SLITRK5: variants seen among roughly 807,000 people sequenced by gnomAD.
The protein encoded by SLITRK5 is SLIT and NTRK like family member 5.
SLITRK5 carries 23 observed loss-of-function variants against 56.2 expected under a neutral mutation model. The observed-to-expected ratio is 0.41, with a 90% CI of 0.29 to 0.58. SLITRK5 has a LOEUF of 0.58. SLITRK5 is among the 20% of genes least tolerant of loss of function. The pLI, the probability that SLITRK5 is intolerant of heterozygous loss-of-function variation, is 0.30. For synonymous variants in SLITRK5, 637 were observed against 531.8 expected, an observed-to-expected ratio of 1.20 and a Z score of -2.72; for missense variants, 1,289 against 1,226.6, an observed-to-expected ratio of 1.05 and a Z score of -0.76.
Position 87,677,988 on chromosome 13 carries a change from C to T in SLITRK5, c.2600C>T (p.Thr867Ile), listed in dbSNP as rs1470705491. 1.9e-6 allele frequency: 3 copies of T among 1,614,084 alleles called. No individual in the cohort carries two copies. In the Admixed American group the frequency reaches 5.0e-5, roughly 27 times the overall value. Reference sequence around the variant, plus strand: ...TTAGAACCAGACAAACACTGCTCCACCACCCCCGCCGGCAATAGCCTCCCG... The same window carrying T: ...TTAGAACCAGACAAACACTGCTCCATCACCCCCGCCGGCAATAGCCTCCCG... ...GILEPDKHCS[T>I]TPAGNSLPEY... is the part of the protein sequence containing the mutation. The change falls in exon 2 of 2, where the codon ACC (threonine) becomes ATC (isoleucine). Residue 867 changes from threonine (T) to isoleucine (I), a missense_variant. By Grantham distance (89) the Thr-to-Ile change is moderately conservative. Transcript: ENST00000683689. The surrounding 1 kb of genome is among the most constrained non-coding windows in gnomAD (Gnocchi z 4.7).
At position 87,676,014 on chromosome 13, in the gene SLITRK5, G is replaced by A. The variant is rs752250261; in HGVS notation, c.626G>A (p.Gly209Glu). 6.2e-7 allele frequency: 1 copy of A among 1,614,100 alleles called. No individual in the cohort carries two copies. Among genetic ancestry groups the A allele is most frequent in the Non-Finnish European group, 8.5e-7 (1 of 1,180,018 alleles). The change falls in exon 2 of 2, where the codon GGG (glycine) becomes GAG (glutamate). Residue 209 changes from glycine to glutamate, a missense_variant. Coordinates refer to ENST00000683689, the MANE Select transcript of SLITRK5 (RefSeq NM_001384609.1). ...CCCTTAACGCACTTGGACCTCCGGG[G>A]GAACCGGCTGAAACTTCTGCCCTAC... ...FVPLTHLDLR[G>E]NRLKLLPYVG...
chr13:87,673,753 C>T, intron 1 of SLITRK5, among the ~76,000 whole-genome samples: 1 of 151,976 alleles, frequency 6.6e-6, no homozygotes, highest in African/African-American at 2.4e-5. Flanking sequence ...GATACATGTG[C>T]GTTTGAATGC....
Position 87,677,194 on chromosome 13 carries a change from C to T in SLITRK5, c.1806C>T (p.Asp602=). The change falls in exon 2 of 2, where the codon GAC becomes GAT. Residue 602 remains aspartate, a synonymous_variant. Coordinates refer to ENST00000683689, the MANE Select transcript of SLITRK5 (RefSeq NM_001384609.1). This position sits in a 1 kb window ranked among gnomAD's most constrained non-coding sequence, Gnocchi z 4.7. ...CGCCCAAAAAATTCGCTGAGACCGA[C>T]ATGCGCTCCATTAAGTCGGAGCTGC... The part of the protein sequence containing the change: ...CKAPKKFAET[D]MRSIKSELLC... The T allele has an allele frequency of 1.9e-6, 3 of 1,614,204 alleles. No homozygotes were observed. Among genetic ancestry groups the T allele is most frequent in the Non-Finnish European group, 2.5e-6 (3 of 1,180,050 alleles).
Position 87,675,504 on chromosome 13 carries a change from A to G in SLITRK5, c.116A>G (p.Glu39Gly). The G allele has an allele frequency of 3.7e-6, 6 of 1,614,198 alleles. No individual in the cohort carries two copies. Among genetic ancestry groups the G allele is most frequent in the Non-Finnish European group, 5.1e-6 (6 of 1,180,044 alleles). The change falls in exon 2 of 2, where the codon GAA becomes GGA. Residue 39 changes from glutamate (E) to glycine (G), a missense_variant. Coordinates refer to ENST00000683689, the MANE Select transcript of SLITRK5 (RefSeq NM_001384609.1). ...ACATCTCTCGTCCTTTCGTGTGCAG[A>G]AACCATCGATTATTATGGGGAAATC... ...AVTSLVLSCAETIDYYGEICD... is the reference protein window; with the variant it reads ...AVTSLVLSCAGTIDYYGEICD...
Position 87,676,149 on chromosome 13 carries a change from C to T in SLITRK5, c.761C>T (p.Ser254Phe), listed in dbSNP as rs776519926. 6 of 1,614,068 alleles carry T rather than the reference C, an allele frequency of 3.7e-6. No homozygotes were observed. In the East Asian group the frequency reaches 1.3e-4, roughly 36 times the overall value. ...CTAAAGGATTGGTTGGACAGCATCT[C>T]CTATTCAGCCCTGGTGGGGGATGTA... ...ISLKDWLDSI[S>F]YSALVGDVVC... Residue 254 changes from serine (S) to phenylalanine (F), a missense_variant, in exon 2 of 2, where the codon TCC becomes TTC. This residue lies in a region of SLITRK5 where 13 missense variants were observed against 33.9 expected (regional missense o/e 0.38). Coordinates refer to ENST00000683689, the MANE Select transcript of SLITRK5 (RefSeq NM_001384609.1).
rs761453215 is a variant in SLITRK5, at chr13:87,678,041, G to C, written c.2653G>C (p.Ala885Pro). Residue 885 changes from alanine (A) to proline (P), a missense_variant, in exon 2 of 2, where the codon GCT becomes CCT. Transcript: ENST00000683689. ...PEYPKFPCSP[A>P]AYTFSPNYDL... Reference sequence around the variant, plus strand: ...ATATCCCAAATTCCCGTGCAGCCCCGCTGCTTACACTTTCTCCCCCAACTA... The same window carrying C: ...ATATCCCAAATTCCCGTGCAGCCCCCCTGCTTACACTTTCTCCCCCAACTA... The C allele has an allele frequency of 5.0e-6, 8 of 1,613,966 alleles. No homozygotes were observed.
intron 1 of SLITRK5, chr13:87,673,550 T>C: frequency 1.6e-6 from 2 of 1,281,334 alleles, no homozygotes; most frequent in Non-Finnish European, 1.0e-6. Flanking sequence ...GCGGATTTGA[T>C]CCAGCGGAGA....
intron 1 of SLITRK5, chr13:87,674,444 T>G (rs1877183313): frequency 1.0e-6 from 1 of 982,494 alleles, no homozygotes; most frequent in African/African-American, 1.7e-5. Flanking sequence ...GTGTACTGAT[T>G]CCCGGTAAGC....
chr13:87,671,981 C>A lies in SLITRK5; in HGVS notation c.-237C>A, dbSNP rs895700358. Among the ~76,000 whole-genome samples the A allele has an allele frequency of 3.9e-5, 6 of 152,082 alleles. No homozygotes were observed. Among genetic ancestry groups the A allele is most frequent in the African/African-American group, 1.2e-4 (5 of 41,438 alleles). On this transcript the variant is annotated 5_prime_UTR_variant, in exon 1 of 2. Transcript: ENST00000683689. ...TACAGTGTGCGCTGCAAGAAGAAGG[C>A]GGGAGATGCATGCACACCCCCGCGA... is the stretch of plus-strand genomic sequence containing the variant.
rs761587144 is a variant in SLITRK5, at chr13:87,676,293, C to A, written c.905C>A (p.Thr302Asn). Residue 302 changes from threonine to asparagine, a missense_variant, in exon 2 of 2, where the codon ACC (threonine) becomes AAC (asparagine). By Grantham distance (65) the Thr-to-Asn change is moderately conservative (BLOSUM62 0). This residue lies in a region of SLITRK5 where 985 missense variants were observed against 906.0 expected (regional missense o/e 1.09). Transcript: ENST00000683689. The stretch of plus-strand genomic sequence containing the variant: ...ATGAGGCCGCAGACGCCTTTGAGCA[C>A]CACGGGGTATTTACACACCACCCCG... ...YEMRPQTPLS[T>N]TGYLHTTPAS... 5.0e-6 allele frequency: 8 copies of A among 1,613,994 alleles called. No homozygotes were observed. Among genetic ancestry groups the A allele is most frequent in the Middle Eastern group, 1.6e-4 (1 of 6,084 alleles).
intron 1 of SLITRK5, chr13:87,673,620 T>G (rs1877140994): frequency 1.2e-6 from 1 of 810,056 alleles, no homozygotes. Context: ...TTGCCGCTTT[T>G]AAGCCGGGAG....
rs757354331 is a variant in SLITRK5, at chr13:87,677,820, C to CGCAGCT, written c.2444_2449dup (p.Leu815_Gln816dup). On this transcript the variant is annotated inframe_insertion, in exon 2 of 2. Transcript: ENST00000683689. The surrounding 1 kb of genome is among the most constrained non-coding windows in gnomAD (Gnocchi z 4.7). ...CAGCAGCCACAGCAGCAGCCCCCGC[C>CGCAGCT]GCAGCTGCAGCTGCAGCCCGGGGAG... 2 of 1,610,860 alleles carry CGCAGCT rather than the reference C, an allele frequency of 1.2e-6. No individual in the cohort carries two copies. Among genetic ancestry groups the CGCAGCT allele is most frequent in the South Asian group, 1.1e-5 (1 of 90,952 alleles).
rs780312910 is a variant in SLITRK5 at position 87,675,397 on chromosome 13, T to A, written c.9T>A (p.Thr3=). 1 of 1,613,654 alleles carries A rather than the reference T, an allele frequency of 6.2e-7. No homozygotes were observed. Residue 3 remains threonine (T), a synonymous_variant, in exon 2 of 2, where the codon ACT becomes ACA. Transcript: ENST00000683689. The part of the protein sequence containing the change: MH[T]CCPPVTLEQD... ...CCCTTACAGGAGGTAAAATGCACAC[T>A]TGCTGCCCCCCAGTAACTTTGGAAC...
Position 87,677,500 on chromosome 13 carries a change from C to T in SLITRK5, c.2112C>T (p.Asn704=), listed in dbSNP as rs753771120. The change falls in exon 2 of 2, where the codon AAC becomes AAT. Residue 704 remains asparagine, a synonymous_variant. Coordinates refer to ENST00000683689, the MANE Select transcript of SLITRK5 (RefSeq NM_001384609.1). The surrounding 1 kb of genome is among the most constrained non-coding windows in gnomAD (Gnocchi z 4.7). ...AGAGCGACCACACCAGCACCAACAA[C>T]TCCGACGTGAGCTCCTTTAACATGC... ...KNQSDHTSTN[N]SDVSSFNMQY... is the part of the protein sequence containing the mutation. 7 of 1,611,844 alleles carry T rather than the reference C, an allele frequency of 4.3e-6. No individual in the cohort carries two copies. The highest frequency in any genetic ancestry group is 5.9e-6 in the Non-Finnish European group (7 of 1,179,902).
At position 87,675,907 on chromosome 13, in the gene SLITRK5, T is replaced by G. The variant is rs770436826; in HGVS notation, c.519T>G (p.Phe173Leu). ...TCAGCGTCATTGAACCCAATGCTTTTGGGAAACTGCATTTGTTGCAGGTGC... is the reference window on the plus strand; with the variant it reads ...TCAGCGTCATTGAACCCAATGCTTTGGGGAAACTGCATTTGTTGCAGGTGC... ...NYISVIEPNAFGKLHLLQVLI... is the reference protein window; with the variant it reads ...NYISVIEPNALGKLHLLQVLI... The change falls in exon 2 of 2, where the codon TTT becomes TTG. Residue 173 changes from phenylalanine to leucine, a missense_variant. Coordinates refer to ENST00000683689, the MANE Select transcript of SLITRK5 (RefSeq NM_001384609.1). 1.2e-6 allele frequency: 2 copies of G among 1,614,080 alleles called. No homozygotes were observed. Among genetic ancestry groups the G allele is most frequent in the East Asian group, 2.2e-5 (1 of 44,882 alleles).
chr13:87,676,059 T>G lies in SLITRK5; in HGVS notation c.671T>G (p.Met224Arg), dbSNP rs1877260821. The change falls in exon 2 of 2, where the codon ATG becomes AGG. Residue 224 changes from methionine to arginine, a missense_variant. Physicochemically the swap from Met to Arg is moderately conservative, Grantham distance 91. Coordinates refer to ENST00000683689, the MANE Select transcript of SLITRK5 (RefSeq NM_001384609.1). ...CCCTACGTGGGGCTCTTGCAGCACA[T>G]GGATAAAGTTGTGGAGCTACAGCTG... ...LLPYVGLLQHMDKVVELQLEE... is the reference protein window; with the variant it reads ...LLPYVGLLQHRDKVVELQLEE... 6.2e-7 allele frequency: 1 copy of G among 1,614,038 alleles called. No individual in the cohort carries two copies. Among genetic ancestry groups the G allele is most frequent in the Non-Finnish European group, 8.5e-7 (1 of 1,180,016 alleles).
In SLITRK5 at chr13:87,671,808, C is replaced by T. The variant is rs559519353; in HGVS notation, c.-410C>T. On this transcript the variant is annotated 5_prime_UTR_variant, in exon 1 of 2. Coordinates refer to ENST00000683689, the MANE Select transcript of SLITRK5 (RefSeq NM_001384609.1). ...AATTAGGGGCCGCGGCGGCGGCGGG[C>T]TCGGCGCGGAGACAGCGTCGGCGGG... Among the ~76,000 whole-genome samples the T allele has an allele frequency of 7.2e-4, 109 of 152,110 alleles. 5 individuals carry two copies. The South Asian group carries it at 0.022, about 30-fold the overall frequency.
intron 1 of SLITRK5, chr13:87,674,471 T>C: frequency 1.1e-6 from 1 of 905,302 alleles, no homozygotes; most frequent in Non-Finnish European, 1.3e-6. Flanking sequence ...AACGTCCTTT[T>C]TAAACTCTAG....
intron 1 of SLITRK5, chr13:87,672,776 T>A (rs1339811826): frequency 2.0e-5 from 3 of 153,312 alleles, no homozygotes; most frequent in Non-Finnish European, 4.3e-5. Context: ...TGTATGTGTG[T>A]GTTTTTAAAG....
Sources: gnomAD v4.1 joint callset for allele counts (sites outside exome capture counted in the v4.1 genomes callset) on GRCh38, gnomAD v4.1.1 for gene constraint, gnomAD v4.1.1 regional missense constraint, Gnocchi (gnomAD v3.1) non-coding constraint, MANE v1.5 for transcripts, NCBI Gene and HGNC (gene_info 2026-07-23, HGNC 2026-07-21) for gene names.